The following ARHGAP22 variants were observed in gnomAD, a reference collection of about 807,000 sequenced individuals.
ARHGAP22 encodes Rho GTPase activating protein 22, also known as rho GTPase-activating protein 22.
A neutral mutation model predicts 59.1 loss-of-function variants in ARHGAP22; 48 were observed. That is an observed-to-expected ratio of 0.81 (90% CI 0.64 to 1.03). ARHGAP22 has a LOEUF of 1.03. Among genes scored for constraint, ARHGAP22 ranks in the 50% least tolerant of loss-of-function variants. The pLI is 0.00. For missense variants in ARHGAP22, 1,015 were observed against 958.7 expected, an observed-to-expected ratio of 1.06 and a Z score of -0.78; for synonymous variants, 445 against 416.4, an observed-to-expected ratio of 1.07 and a Z score of -0.84.
At chr10:48,440,142 G>A in the ARHGAP22 span, among the ~76,000 whole-genome samples, 4 of 149,268 alleles carry the variant, frequency 2.7e-5, no homozygotes, top group Admixed American at 6.7e-5. Context: ...TTCTTTTTCA[G>A]TATTGTTCCT....
At chr10:48,436,232 C>T in the ARHGAP22 span, 3 of 152,190 alleles carry the variant, frequency 2.0e-5, no homozygotes, top group African/African-American at 7.2e-5. Context: ...GCAGAGCAGG[C>T]ATAAATGGTG....
chr10:48,445,398 G>A (rs532436360), downstream of ARHGAP22: 2 of 152,500 alleles, frequency 1.3e-5, no homozygotes, highest in East Asian at 1.9e-4. Context: ...GGTCCCAGAG[G>A]CGCTGCTGTG....
At chr10:48,477,309 G>A (rs1332908163) in intron 4 of ARHGAP22, among the ~76,000 whole-genome samples, 3 of 152,182 alleles carry the variant, frequency 2.0e-5, no homozygotes, top group African/African-American at 7.2e-5. Flanking sequence ...GTTCCACATT[G>A]TTTTTAAGAT....
chr10:48,542,101 T>G (rs569639306), intron 3 of ARHGAP22, among the ~76,000 whole-genome samples: 60 of 152,192 alleles, frequency 3.9e-4, no homozygotes, highest in African/African-American at 1.4e-3. Context: ...GGATGTCAAG[T>G]TTATGAATGA....
intron 1 of ARHGAP22, among the ~76,000 whole-genome samples, chr10:48,648,644 A>C (rs1202357955): frequency 6.6e-6 from 1 of 152,160 alleles, no homozygotes; most frequent in Admixed American, 6.5e-5. Flanking sequence ...CTTTGGGTAA[A>C]AGTCTGAAAG....
At chr10:48,486,463 C>T (rs926583371) in intron 3 of ARHGAP22, among the ~76,000 whole-genome samples, 3 of 152,008 alleles carry the variant, frequency 2.0e-5, no homozygotes, top group Non-Finnish European at 4.4e-5. Flanking sequence ...GTCTCAGCCT[C>T]TTGAGTAGCT....
intron 3 of ARHGAP22, chr10:48,493,309 T>A (rs903525798): frequency 1.0e-6 from 1 of 995,242 alleles, no homozygotes; most frequent in African/African-American, 1.6e-5. Flanking sequence ...CCAGTCTTCA[T>A]TCATGTCTTT....
Position 48,555,558 on chromosome 10 carries a change from G to A in ARHGAP22, c.235-8C>T, listed in dbSNP as rs201751432. ...TTGTAGAGAAATAAATCCCTAAAAA[G>A]GAGGCAAACACAAACACAGGGAGCA... is the stretch of plus-strand genomic sequence containing the variant. On this transcript the variant is annotated splice_region_variant and splice_polypyrimidine_tract_variant and intron_variant, in intron 2 of 9. Transcript: ENST00000249601. The A allele has an allele frequency of 1.9e-5, 31 of 1,613,342 alleles. No homozygotes were observed. The Admixed American group carries it at 4.8e-4, about 25-fold the overall frequency.
chr10:48,460,713 C>T lies in ARHGAP22; in HGVS notation c.452-822G>A, dbSNP rs1002377183. On this transcript the variant is annotated intron_variant, in intron 4 of 9. Coordinates refer to ENST00000249601, the MANE Select transcript of ARHGAP22 (RefSeq NM_021226.4). ...AGCATTATTCACAGTAGCTGAAATGCGGAAGCAAGCCATGTGTCCATCAAT... is the reference window on the plus strand; with the variant it reads ...AGCATTATTCACAGTAGCTGAAATGTGGAAGCAAGCCATGTGTCCATCAAT... Among the ~76,000 whole-genome samples, 77 of 129,342 alleles carry T rather than the reference C, an allele frequency of 6.0e-4. 1 individual carries two copies. Among genetic ancestry groups the T allele is most frequent in the African/African-American group, 1.9e-3 (70 of 36,574 alleles). The allele number at this position is 129,342 out of a possible 152,430, so 84.9% of individuals were successfully genotyped here.
Position 48,563,864 on chromosome 10 carries a change from T to C in ARHGAP22, c.235-8314A>G, listed in dbSNP as rs779831577. On this transcript the variant is annotated intron_variant, in intron 2 of 9. Transcript: ENST00000249601. ...GTTGAAAGGCTGATTTTTGGACATA[T>C]TGGGTAATCCAATATAAATAAATAA... Among the ~76,000 whole-genome samples the C allele has an allele frequency of 1.8e-3, 279 of 152,360 alleles. 2 individuals carry two copies. The highest frequency in any genetic ancestry group is 2.9e-3 in the Non-Finnish European group (194 of 68,028).
chr10:48,510,361 T>G (rs1196025810), intron 3 of ARHGAP22, among the ~76,000 whole-genome samples: 1 of 152,234 alleles, frequency 6.6e-6, no homozygotes, highest in Admixed American at 6.5e-5. Flanking sequence ...CACTGGGGCC[T>G]GCGGCAAAGT....
chr10:48,496,148 G>A (rs1309356878), intron 3 of ARHGAP22, among the ~76,000 whole-genome samples: 1 of 152,158 alleles, frequency 6.6e-6, no homozygotes, highest in African/African-American at 2.4e-5. Flanking sequence ...CACTAGGCTT[G>A]GGGGGTAATC....
chr10:48,612,838 G>C (rs146566548), intron 1 of ARHGAP22, among the ~76,000 whole-genome samples: 3 of 152,102 alleles, frequency 2.0e-5, no homozygotes, highest in Admixed American at 1.3e-4. Context: ...AGATGGTGCA[G>C]TCCCCCACTT....
chr10:48,435,275 T>C, the ARHGAP22 span: 1 of 367,100 alleles, frequency 2.7e-6, no homozygotes, highest in East Asian at 4.2e-5. Flanking sequence ...AATGTAAACC[T>C]AATTATTTTA....
At chr10:48,650,146 C>CTTTTTTCT (rs2062496544) in intron 1 of ARHGAP22, among the ~76,000 whole-genome samples, 1 of 82,058 alleles carries the variant, frequency 1.2e-5, no homozygotes, top group Non-Finnish European at 2.3e-5. Context: ...GCTGGAGACT[C>CTTTTTTCT]TTTTTTTTTT....
intron 3 of ARHGAP22, among the ~76,000 whole-genome samples, chr10:48,554,532 C>T (rs1008050540): frequency 1.3e-5 from 2 of 152,190 alleles, no homozygotes; most frequent in Non-Finnish European, 2.9e-5. Context: ...GTTCCCATCA[C>T]GCTGCCAGTG....
chr10:48,444,975 G>C (rs1481428209), downstream of ARHGAP22: 2 of 152,320 alleles, frequency 1.3e-5, no homozygotes, highest in East Asian at 1.9e-4. Context: ...CCCCTCCTGA[G>C]CTCCGGCATC....
intron 3 of ARHGAP22, among the ~76,000 whole-genome samples, chr10:48,481,265 T>C (rs2049291779): frequency 6.6e-6 from 1 of 152,200 alleles, no homozygotes; most frequent in African/African-American, 2.4e-5. Flanking sequence ...GAAGCAGCTC[T>C]GCCTTGGGGA....
chr10:48,644,295 C>T (rs965550644), intron 1 of ARHGAP22, among the ~76,000 whole-genome samples: 44 of 152,094 alleles, frequency 2.9e-4, no homozygotes, highest in African/African-American at 8.9e-4. Context: ...CAAAAACAGA[C>T]GGTATTGAAG....
Sources: allele counts gnomAD v4.1 joint callset (sites outside exome capture counted in the v4.1 genomes callset), GRCh38; gene constraint gnomAD v4.1.1; transcripts MANE v1.5; gene names NCBI Gene and HGNC (gene_info 2026-07-23, HGNC 2026-07-21).